NRXN3: variants seen among roughly 807,000 people sequenced by gnomAD.
NRXN3 encodes neurexin 3, also known as neurexin III.
Under a neutral mutation model 137.6 loss-of-function variants are expected in NRXN3, and 32 were observed. The observed-to-expected ratio is 0.23, with a 90% CI of 0.18 to 0.31. The LOEUF (loss-of-function observed/expected upper bound fraction) is 0.31, where lower values mean the gene tolerates loss of function less well. Ranked by LOEUF, NRXN3 falls within the 10% of genes least tolerant of loss-of-function variation. The pLI is 1.00. For missense variants in NRXN3, 1,574 were observed against 2,062.5 expected (o/e 0.76, Z 4.59); for synonymous variants, 798 against 784.5 (o/e 1.02, Z -0.29).
At chr14:79,710,401 G>T (rs1366316474) in intron 19 of NRXN3, among the ~76,000 whole-genome samples, 1 of 152,146 alleles carries the variant, frequency 6.6e-6, no homozygotes, top group Non-Finnish European at 1.5e-5. Flanking sequence ...CACAGTGTCT[G>T]ATTCTCTCCT....
At chr14:79,584,708 C>T (rs919309420) in intron 16 of NRXN3, among the ~76,000 whole-genome samples, 2 of 152,144 alleles carry the variant, frequency 1.3e-5, no homozygotes, top group South Asian at 4.1e-4. Context: ...AGCTGACCAC[C>T]TGAAGGTGAC....
chr14:79,730,446 G>A (rs576974720), intron 19 of NRXN3, among the ~76,000 whole-genome samples: 7 of 152,292 alleles, frequency 4.6e-5, no homozygotes, highest in East Asian at 3.9e-4. Flanking sequence ...TGGTTCACAC[G>A]AGACACTTGG....
intron 4 of NRXN3, among the ~76,000 whole-genome samples, chr14:78,452,557 C>T (rs1451194769): frequency 6.6e-6 from 1 of 152,092 alleles, no homozygotes; most frequent in Non-Finnish European, 1.5e-5. Flanking sequence ...TTAATTTTTC[C>T]CACATTATTA....
intron 4 of NRXN3, among the ~76,000 whole-genome samples, chr14:78,402,176 GC>G (rs2092131359): frequency 6.6e-6 from 1 of 152,190 alleles, no homozygotes; most frequent in Non-Finnish European, 1.5e-5. Flanking sequence ...CTTTCTATCT[GC>G]CCTTGAGGAT....
intron 10 of NRXN3, among the ~76,000 whole-genome samples, chr14:78,816,630 T>G (rs2098934193): frequency 1.3e-5 from 2 of 152,302 alleles, no homozygotes; most frequent in Non-Finnish European, 2.9e-5. Flanking sequence ...TGTTCATTAG[T>G]TAATGCATAC....
At position 79,182,168 on chromosome 14, in the gene NRXN3, A is replaced by G. The variant is rs777554912; in HGVS notation, c.3262+194027A>G. On this transcript the variant is annotated intron_variant, in intron 15 of 20. Coordinates refer to ENST00000335750, the MANE Select transcript of NRXN3 (RefSeq NM_001330195.2). ...TGAGTACCTAGCATGTGTGAAGACG[A>G]TATTCTAAGTCAGCAGTCCCCAACC... 4.3e-4 allele frequency among the ~76,000 whole-genome samples: 66 copies of G among 152,160 alleles called. 2 individuals are homozygous for G. The highest frequency in any genetic ancestry group is 9.0e-4 in the Non-Finnish European group (61 of 68,006).
At chr14:79,079,815 C>T (rs1336488725) in intron 15 of NRXN3, among the ~76,000 whole-genome samples, 1 of 152,028 alleles carries the variant, frequency 6.6e-6, no homozygotes, top group Non-Finnish European at 1.5e-5. Context: ...TGGAGAAACC[C>T]TGTCTCTACT....
At chr14:79,033,087 G>A (rs2099610514) in intron 15 of NRXN3, among the ~76,000 whole-genome samples, 1 of 151,962 alleles carries the variant, frequency 6.6e-6, no homozygotes, top group African/African-American at 2.4e-5. Flanking sequence ...ACGTGTACAT[G>A]CTGTTCCCTT....
chr14:79,575,872 C>G (rs549992852), intron 16 of NRXN3, among the ~76,000 whole-genome samples: 2 of 152,284 alleles, frequency 1.3e-5, no homozygotes, highest in African/African-American at 4.8e-5. Context: ...AGATATGATT[C>G]AGACACAATA....
intron 4 of NRXN3, among the ~76,000 whole-genome samples, chr14:78,400,154 A>G (rs921021042): frequency 2.0e-5 from 3 of 152,248 alleles, no homozygotes; most frequent in Non-Finnish European, 4.4e-5. Context: ...AGAAAAAGGC[A>G]TTATTCCCCT....
chr14:78,771,650 G>C (rs1236673829), intron 8 of NRXN3, among the ~76,000 whole-genome samples: 3 of 152,178 alleles, frequency 2.0e-5, no homozygotes, highest in African/African-American at 4.8e-5. Context: ...TGCAGACAGG[G>C]AATAAGAATG....
chr14:78,386,754 G>A (rs2090023878), intron 4 of NRXN3, among the ~76,000 whole-genome samples: 1 of 151,998 alleles, frequency 6.6e-6, no homozygotes, highest in South Asian at 2.1e-4. Flanking sequence ...TAGCTATGTT[G>A]ATCAGGTTAT....
intron 14 of NRXN3, among the ~76,000 whole-genome samples, chr14:78,976,619 A>C (rs1286970593): frequency 6.6e-6 from 1 of 152,214 alleles, no homozygotes; most frequent in Non-Finnish European, 1.5e-5. Flanking sequence ...TTTTTGTTAT[A>C]AAATATAGTA....
At chr14:79,316,088 C>T (rs927781706) in intron 15 of NRXN3, among the ~76,000 whole-genome samples, 4 of 152,118 alleles carry the variant, frequency 2.6e-5, no homozygotes, top group Non-Finnish European at 5.9e-5. Context: ...TCCCGAATCG[C>T]GAGGAAGGTA....
intron 16 of NRXN3, among the ~76,000 whole-genome samples, chr14:79,556,017 A>G (rs556748735): frequency 6.6e-6 from 1 of 152,206 alleles, no homozygotes; most frequent in Non-Finnish European, 1.5e-5. Flanking sequence ...TGCCCCAGAA[A>G]GAGAACACAG....
At position 78,317,345 on chromosome 14, in the gene NRXN3, C is replaced by T. The variant is rs375275927; in HGVS notation, c.757+19485C>T. Among the ~76,000 whole-genome samples the T allele has an allele frequency of 1.6e-4, 25 of 152,272 alleles. 1 individual carries two copies. The East Asian group carries it at 2.3e-3, about 14-fold the overall frequency. On this transcript the variant is annotated intron_variant, in intron 4 of 20. Coordinates refer to ENST00000335750, the MANE Select transcript of NRXN3 (RefSeq NM_001330195.2). ...TGAGTGGCAGGCGAGTGAGCATTATCGCCTAAGTTCCGCCTCCTGTCAGAT... is the reference window on the plus strand; with the variant it reads ...TGAGTGGCAGGCGAGTGAGCATTATTGCCTAAGTTCCGCCTCCTGTCAGAT...
chr14:79,363,356 A>C (rs576093691), intron 15 of NRXN3, among the ~76,000 whole-genome samples: 1 of 152,182 alleles, frequency 6.6e-6, no homozygotes, highest in Non-Finnish European at 1.5e-5. Flanking sequence ...AGATTGAAAT[A>C]TCTGTCAGAA....
intron 4 of NRXN3, among the ~76,000 whole-genome samples, chr14:78,316,878 T>C (rs1567240893): frequency 6.6e-6 from 1 of 152,182 alleles, no homozygotes; most frequent in Non-Finnish European, 1.5e-5. Context: ...TGATGGCCAT[T>C]CCCAGGATGA....
chr14:79,268,893 C>G (rs954908539), intron 15 of NRXN3, among the ~76,000 whole-genome samples: 5 of 152,032 alleles, frequency 3.3e-5, no homozygotes, highest in Non-Finnish European at 5.9e-5. Flanking sequence ...TTCTAGAATG[C>G]CTTTGTTTAA....
Sources: gnomAD v4.1 joint callset for allele counts (sites outside exome capture counted in the v4.1 genomes callset) on GRCh38, gnomAD v4.1.1 for gene constraint, MANE v1.5 for transcripts, NCBI Gene and HGNC (gene_info 2026-07-23, HGNC 2026-07-21) for gene names.